The following TXNDC15 variants were observed in gnomAD, a reference collection of about 807,000 sequenced individuals.
TXNDC15 encodes thioredoxin domain containing 15, also known as thioredoxin domain-containing protein 15.
In TXNDC15, 24 loss-of-function variants were observed where a neutral mutation model predicts 35.0. The ratio of observed to expected loss-of-function variants is 0.68; its 90% CI spans 0.50 to 0.96. The LOEUF (loss-of-function observed/expected upper bound fraction) is 0.96, where lower values mean the gene tolerates loss of function less well. Among genes scored for constraint, TXNDC15 ranks in the 40% least tolerant of loss-of-function variants. The probability of loss-of-function intolerance (pLI) is 0.00; values close to 1 mark genes in which losing one functional copy is unlikely to be tolerated. For synonymous variants in TXNDC15, 169 were observed against 174.0 expected (o/e 0.97, Z 0.23); for missense variants, 385 against 453.3 (o/e 0.85, Z 1.37).
intron 1 of TXNDC15, among the ~76,000 whole-genome samples, chr5:134,879,576 A>T (rs1750100718): frequency 6.6e-6 from 1 of 152,170 alleles, no homozygotes; most frequent in African/African-American, 2.4e-5. Context: ...ATACACACTC[A>T]TTAACCAAAG....
At chr5:134,893,370 C>T in intron 2 of TXNDC15, 122 bp from the exon 3 acceptor site, 3 of 1,181,798 alleles carry the variant, frequency 2.5e-6, no homozygotes, top group Non-Finnish European at 3.6e-6. Context: ...AGGGTTCCTT[C>T]TCTCGCTGCT....
At chr5:134,899,032 G>C (rs1451300413) in intron 4 of TXNDC15, among the ~76,000 whole-genome samples, 2 of 151,664 alleles carry the variant, frequency 1.3e-5, no homozygotes, top group Admixed American at 1.3e-4. Flanking sequence ...AGCTGAGATC[G>C]CACCACTGCA....
chr5:134,890,625 G>A (rs1348619235), intron 2 of TXNDC15, among the ~76,000 whole-genome samples: 1 of 151,998 alleles, frequency 6.6e-6, no homozygotes, highest in African/African-American at 2.4e-5. Flanking sequence ...GGTCAGGCTG[G>A]TCTTGAACTC....
At chr5:134,898,649 T>G (rs551369136) in intron 4 of TXNDC15, among the ~76,000 whole-genome samples, 1 of 152,306 alleles carries the variant, frequency 6.6e-6, no homozygotes, top group Admixed American at 6.5e-5. Flanking sequence ...TCGATTGATG[T>G]GTGGAGAGGG....
rs763254701 is a variant in TXNDC15, at chr5:134,874,385, A to G, written c.-43A>G. On this transcript the variant is annotated 5_prime_UTR_variant, in exon 1 of 5. Transcript: ENST00000358387. ...CCCCAGCCTTCCTCCGGCTGGCAGC[A>G]CGACTCGCGTAGCCGTGCGCCGATT... 3.3e-6 allele frequency: 5 copies of G among 1,520,628 alleles called. No homozygotes were observed. In the African/African-American group the frequency reaches 5.7e-5, roughly 17 times the overall value. 94.2% of individuals were successfully genotyped at this position (1,520,628 alleles called of 1,614,324 possible).
intron 1 of TXNDC15, among the ~76,000 whole-genome samples, chr5:134,876,125 A>G (rs1750028132): frequency 6.6e-6 from 1 of 152,240 alleles, no homozygotes; most frequent in Middle Eastern, 3.4e-3. Flanking sequence ...TCAGAGCCCA[A>G]CCTCTGCATT....
At chr5:134,883,863 C>G (rs1271855906) in intron 1 of TXNDC15, among the ~76,000 whole-genome samples, 1 of 128,232 alleles carries the variant, frequency 7.8e-6, no homozygotes, top group Non-Finnish European at 1.7e-5. Context: ...TGCAGTGAGC[C>G]GAGATGGTGC....
At chr5:134,884,593 G>C (rs926379141) in intron 1 of TXNDC15, among the ~76,000 whole-genome samples, 1 of 138,108 alleles carries the variant, frequency 7.2e-6, no homozygotes, top group African/African-American at 2.7e-5. Flanking sequence ...TTGAGACAGG[G>C]TCTCACTCTT....
At chr5:134,882,916 G>C (rs1024637668) in intron 1 of TXNDC15, among the ~76,000 whole-genome samples, 2 of 152,174 alleles carry the variant, frequency 1.3e-5, no homozygotes, top group African/African-American at 4.8e-5. Flanking sequence ...ATTTTCTTCC[G>C]TATTGTCTAC....
chr5:134,877,023 T>G (rs1750048002), intron 1 of TXNDC15, among the ~76,000 whole-genome samples: 2 of 151,960 alleles, frequency 1.3e-5, no homozygotes, highest in South Asian at 4.1e-4. Context: ...TAACTACAAA[T>G]TACTAAGAAA....
At chr5:134,878,738 C>G (rs993058577) in intron 1 of TXNDC15, among the ~76,000 whole-genome samples, 2 of 152,214 alleles carry the variant, frequency 1.3e-5, no homozygotes, top group African/African-American at 4.8e-5. Flanking sequence ...GTGGCTCACG[C>G]CTGTAATCCC....
In TXNDC15 at chr5:134,901,617, A is replaced by AT. The variant is rs1039112610; in HGVS notation, c.*1932_*1933insT. 2 of 152,212 alleles carry AT rather than the reference A, an allele frequency of 1.3e-5. No individual in the cohort carries two copies. The highest frequency in any genetic ancestry group is 2.9e-5 in the Non-Finnish European group (2 of 68,042). 9.4% of individuals were successfully genotyped at this position (152,212 alleles called of 1,614,324 possible). A position where few individuals can be genotyped will look rare whatever the true frequency, so the allele number is the denominator to read the frequency against. ...TTGTTTAATATCCTTTTTAAAGAAT[A>AT]AACTAGGTTGGTGCAGTAGCTCACG... On this transcript the variant is annotated 3_prime_UTR_variant, in exon 5 of 5. Transcript: ENST00000358387.
chr5:134,875,717 T>G (rs972725526), intron 1 of TXNDC15, among the ~76,000 whole-genome samples: 2 of 151,522 alleles, frequency 1.3e-5, no homozygotes, highest in African/African-American at 4.8e-5. Flanking sequence ...TTGCCCAGGC[T>G]GGAGTGCAGT....
intron 1 of TXNDC15, among the ~76,000 whole-genome samples, chr5:134,880,466 T>G (rs1352420988): frequency 6.6e-6 from 1 of 151,646 alleles, no homozygotes; most frequent in East Asian, 1.9e-4. Context: ...AGATGGAGTC[T>G]CGCTCTGTAG....
At position 134,882,810 on chromosome 5, in the gene TXNDC15, G is replaced by A. The variant is rs185200947; in HGVS notation, c.104-4885G>A. Reference sequence around the variant, plus strand: ...CAGCAGTACAGTCCAGCTTCGGCTCGGCATCAGAGGGAGACCGTGGAAAGA... The same window carrying A: ...CAGCAGTACAGTCCAGCTTCGGCTCAGCATCAGAGGGAGACCGTGGAAAGA... On this transcript the variant is annotated intron_variant, in intron 1 of 4. Transcript: ENST00000358387. Among the ~76,000 whole-genome samples, 6 of 152,258 alleles carry A rather than the reference G, an allele frequency of 3.9e-5. No individual in the cohort carries two copies. The East Asian group carries it at 5.8e-4, about 15-fold the overall frequency.
intron 4 of TXNDC15, among the ~76,000 whole-genome samples, chr5:134,898,431 C>T (rs1475951240): frequency 6.6e-6 from 1 of 152,152 alleles, no homozygotes; most frequent in Non-Finnish European, 1.5e-5. Flanking sequence ...GCCTCACTGT[C>T]TCAATTGTGA....
At chr5:134,888,714 T>A (rs896692269) in intron 2 of TXNDC15, among the ~76,000 whole-genome samples, 1 of 152,144 alleles carries the variant, frequency 6.6e-6, no homozygotes, top group Non-Finnish European at 1.5e-5. Flanking sequence ...ACTCCTGACT[T>A]CAGGTAATCC....
chr5:134,875,773 G>A (rs1009311924), intron 1 of TXNDC15, among the ~76,000 whole-genome samples: 9 of 152,178 alleles, frequency 5.9e-5, no homozygotes, highest in Non-Finnish European at 1.0e-4. Context: ...GGGTTCAAGC[G>A]ATTCTCGTGC....
At chr5:134,891,754 ATCTC>A (rs1750391348) in intron 2 of TXNDC15, among the ~76,000 whole-genome samples, 1 of 151,938 alleles carries the variant, frequency 6.6e-6, no homozygotes, top group Non-Finnish European at 1.5e-5. Context: ...GTGAAACCTT[ATCTC>A]TACAAAAAAT....
Sources: allele counts gnomAD v4.1 joint callset (sites outside exome capture counted in the v4.1 genomes callset), GRCh38; gene constraint gnomAD v4.1.1; transcripts MANE v1.5; gene names NCBI Gene and HGNC (gene_info 2026-07-23, HGNC 2026-07-21).